Variants in PALS2 observed in about 807,000 individuals in gnomAD.
The protein encoded by PALS2 is protein PALS2.
A neutral mutation model predicts 61.6 loss-of-function variants in PALS2; 27 were observed. The ratio of observed to expected loss-of-function variants is 0.44; its 90% CI spans 0.32 to 0.60. PALS2 has a LOEUF of 0.60. Among genes scored for constraint, PALS2 ranks in the 20% least tolerant of loss-of-function variants. The pLI, the probability that PALS2 is intolerant of heterozygous loss-of-function variation, is 0.05. For synonymous variants in PALS2, 236 were observed against 218.6 expected, an observed-to-expected ratio of 1.08 and a Z score of -0.70; for missense variants, 554 against 639.4, an observed-to-expected ratio of 0.87 and a Z score of 1.44.
intron 2 of PALS2, among the ~76,000 whole-genome samples, chr7:24,631,729 C>T (rs1005021535): frequency 3.3e-5 from 5 of 152,176 alleles, no homozygotes; most frequent in South Asian, 2.1e-4. Context: ...CAGCAACCAC[C>T]GCCTTGATCA....
intron 6 of PALS2, among the ~76,000 whole-genome samples, chr7:24,663,931 G>C: frequency 6.6e-6 from 1 of 152,178 alleles, no homozygotes; most frequent in Non-Finnish European, 1.5e-5. Flanking sequence ...TAACCAGCCT[G>C]TGGCACTAAC....
In PALS2 at chr7:24,618,346, C is replaced by T. The variant is rs149710457; in HGVS notation, c.-2-5320C>T. Among the ~76,000 whole-genome samples the T allele has an allele frequency of 1.2e-3, 180 of 152,306 alleles. 1 individual carries two copies. Among genetic ancestry groups the T allele is most frequent in the African/African-American group, 4.3e-3 (177 of 41,578 alleles). ...GACCAGAGCCACAGCAGATCCTGTG[C>T]TCAGGCTCTGTGCAGCTGGGGTTGT... is the stretch of plus-strand genomic sequence containing the variant. On this transcript the variant is annotated intron_variant, in intron 1 of 11. Coordinates refer to ENST00000222644, the MANE Select transcript of PALS2 (RefSeq NM_001303037.2). This position sits in a 1 kb window ranked among gnomAD's most constrained non-coding sequence, Gnocchi z 5.1.
chr7:24,670,547 G>T (rs1787245513), intron 9 of PALS2, among the ~76,000 whole-genome samples: 1 of 152,110 alleles, frequency 6.6e-6, no homozygotes, highest in Non-Finnish European at 1.5e-5. Flanking sequence ...CTTGTATGTG[G>T]AATGTAATGT....
chr7:24,630,079 AAT>A (rs1784930800), intron 2 of PALS2, among the ~76,000 whole-genome samples: 1 of 152,208 alleles, frequency 6.6e-6, no homozygotes, highest in South Asian at 2.1e-4. Flanking sequence ...AACCAACCCA[AAT>A]GCCCATCAAT....
intron 9 of PALS2, among the ~76,000 whole-genome samples, chr7:24,677,544 C>G (rs1787682037): frequency 6.6e-6 from 1 of 151,766 alleles, no homozygotes; most frequent in South Asian, 2.1e-4. Context: ...GAGATACGTC[C>G]CATCAATACC....
intron 1 of PALS2, among the ~76,000 whole-genome samples, chr7:24,606,750 T>C (rs925092495): frequency 1.3e-5 from 2 of 152,072 alleles, no homozygotes; most frequent in African/African-American, 4.8e-5. Flanking sequence ...GCCTATTTAC[T>C]TTTATTATAC....
chr7:24,675,716 T>A (rs1305190876), intron 9 of PALS2, among the ~76,000 whole-genome samples: 117 of 138,820 alleles, frequency 8.4e-4, no homozygotes, highest in African/African-American at 3.3e-3. Flanking sequence ...ACAAAGGACA[T>A]GAACTCATCA....
intron 3 of PALS2, among the ~76,000 whole-genome samples, chr7:24,645,632 A>AT (rs201287515): frequency 0.016 from 2,444 of 151,952 alleles, 77 homozygotes; most frequent in African/African-American, 0.057. Context: ...ATTTTAAAAT[A>AT]TTTTTTTCTA....
rs751430350 is a variant in PALS2, at chr7:24,665,560, G to A, written c.784-28G>A. The A allele has an allele frequency of 6.2e-6, 10 of 1,606,454 alleles. No homozygotes were observed. The East Asian group carries it at 2.2e-4, about 36-fold the overall frequency. ...TATGGTCTCAAATTTTGGTCACTGA[G>A]ATGTACAATTCATTAATTTGATTCT... On this transcript the variant is annotated intron_variant, in intron 6 of 11. Transcript: ENST00000222644.
Position 24,656,096 on chromosome 7 carries a change from A to G in PALS2, c.651+5384A>G, listed in dbSNP as rs552183898. Among the ~76,000 whole-genome samples, 3 of 152,336 alleles carry G rather than the reference A, an allele frequency of 2.0e-5. No homozygotes were observed. The East Asian group carries it at 5.8e-4, about 29-fold the overall frequency. On this transcript the variant is annotated intron_variant, in intron 5 of 11. Coordinates refer to ENST00000222644, the MANE Select transcript of PALS2 (RefSeq NM_001303037.2). ...CATGGAAAATCTCTTAGCAATGATA[A>G]TCACTTTGTTCACCATCTTGTCACT...
chr7:24,624,605 C>CTTCTTTTTTTTTTTTTTTTTTTTTTTT (rs1554302487), intron 2 of PALS2, among the ~76,000 whole-genome samples: 1 of 86,400 alleles, frequency 1.2e-5, no homozygotes, highest in Admixed American at 1.2e-4. Context: ...GCAGATTCTT[C>CTTCTTTTTTTTTTTTTTTTTTTTTTTT]TTTTTTTTTT....
Position 24,641,727 on chromosome 7 carries a change from G to C in PALS2, c.129G>C (p.Arg43Ser), listed in dbSNP as rs753717483. 1.9e-6 allele frequency: 3 copies of C among 1,609,708 alleles called. No individual in the cohort carries two copies. Among genetic ancestry groups the C allele is most frequent in the Non-Finnish European group, 1.7e-6 (2 of 1,177,696 alleles). Residue 43 changes from arginine to serine, a missense_variant, in exon 3 of 12, where the codon AGG (arginine) becomes AGC (serine). Transcript: ENST00000222644. ...TCTTATTTTTTCAGGCTCATGAGAGGCTAGAAGATTCCAAACTAGAAGCTG... is the reference window on the plus strand; with the variant it reads ...TCTTATTTTTTCAGGCTCATGAGAGCCTAGAAGATTCCAAACTAGAAGCTG... ...IVKSLAKAHE[R>S]LEDSKLEAVS...
At chr7:24,607,138 C>G (rs1384942795) in intron 1 of PALS2, among the ~76,000 whole-genome samples, 1 of 152,054 alleles carries the variant, frequency 6.6e-6, no homozygotes. Context: ...TTATATTTTT[C>G]AGGTAAGAAG....
At position 24,643,926 on chromosome 7, in the gene PALS2, A is replaced by G. The variant is rs115835874; in HGVS notation, c.270+2058A>G. On this transcript the variant is annotated intron_variant, in intron 3 of 11. Transcript: ENST00000222644. ...CCTTTTGGCCCACCACAGGGCTGAG[A>G]TTGGTCCTTTGATTAAAGGTGGTGA... is the stretch of plus-strand genomic sequence containing the variant. 3.4e-3 allele frequency among the ~76,000 whole-genome samples: 517 copies of G among 152,152 alleles called. 1 individual carries two copies. The highest frequency in any genetic ancestry group is 0.012 in the African/African-American group (494 of 41,526).
At chr7:24,605,815 T>C (rs1279051325) in intron 1 of PALS2, among the ~76,000 whole-genome samples, 1 of 152,170 alleles carries the variant, frequency 6.6e-6, no homozygotes, top group Non-Finnish European at 1.5e-5. Flanking sequence ...TTGCCCAAGC[T>C]ATCAGCTATG....
chr7:24,679,426 T>A, intron 10 of PALS2, 93 bp downstream of exon 10: 1 of 1,308,036 alleles, frequency 7.6e-7, no homozygotes. Context: ...GGTTGTTTGT[T>A]TTGTCAGGGT....
chr7:24,600,165 A>G (rs1783667894), intron 1 of PALS2, among the ~76,000 whole-genome samples: 1 of 151,998 alleles, frequency 6.6e-6, no homozygotes, highest in African/African-American at 2.4e-5. Flanking sequence ...AGTAATGAAA[A>G]CCTTTCATTG....
intron 11 of PALS2, among the ~76,000 whole-genome samples, chr7:24,681,064 C>T (rs747377230): frequency 6.6e-6 from 1 of 151,614 alleles, no homozygotes; most frequent in African/African-American, 2.4e-5. Flanking sequence ...TGAAATGGAC[C>T]AATATTAAAA....
In PALS2 at chr7:24,690,281, C is replaced by T. The variant is rs1174825574; in HGVS notation, c.*2667C>T. On this transcript the variant is annotated 3_prime_UTR_variant, in exon 12 of 12. Coordinates refer to ENST00000222644, the MANE Select transcript of PALS2 (RefSeq NM_001303037.2). ...TGCGGGGGCAAACAGCCCCAGAGGT[C>T]CCAGGGTTCTTCCTAGGTAATGAGA... 6.6e-6 allele frequency: 1 copy of T among 152,170 alleles called. No individual in the cohort carries two copies. Among genetic ancestry groups the T allele is most frequent in the Non-Finnish European group, 1.5e-5 (1 of 68,032 alleles). 9.4% of individuals were successfully genotyped at this position (152,170 alleles called of 1,614,324 possible).
Sources: gnomAD v4.1 joint callset for allele counts (sites outside exome capture counted in the v4.1 genomes callset) on GRCh38, gnomAD v4.1.1 for gene constraint, Gnocchi (gnomAD v3.1) non-coding constraint, MANE v1.5 for transcripts, NCBI Gene and HGNC (gene_info 2026-07-23, HGNC 2026-07-21) for gene names.